SLC6A17: variants seen among roughly 807,000 people sequenced by gnomAD.
SLC6A17 encodes the protein sodium-dependent neutral amino acid transporter SLC6A17.
A neutral mutation model predicts 64.5 loss-of-function variants in SLC6A17; 21 were observed. The observed-to-expected ratio is 0.33, with a 90% CI of 0.23 to 0.47. The LOEUF (loss-of-function observed/expected upper bound fraction) is 0.47, where lower values mean the gene tolerates loss of function less well. Among genes scored for constraint, SLC6A17 ranks in the 20% least tolerant of loss-of-function variants. The pLI is 1.00. For missense variants in SLC6A17, 682 were observed against 963.2 expected, an observed-to-expected ratio of 0.71 and a Z score of 3.86; for synonymous variants, 372 against 399.5, an observed-to-expected ratio of 0.93 and a Z score of 0.82.
chr1:110,185,973 C>A (rs1436010414), intron 6 of SLC6A17, among the ~76,000 whole-genome samples: 1 of 152,178 alleles, frequency 6.6e-6, no homozygotes, highest in Non-Finnish European at 1.5e-5. Flanking sequence ...TCAAGTTCAC[C>A]CTCAGATGCT....
intron 1 of SLC6A17, among the ~76,000 whole-genome samples, chr1:110,165,288 C>A (rs890516041): frequency 2.0e-5 from 3 of 152,142 alleles, no homozygotes; most frequent in African/African-American, 7.2e-5. Flanking sequence ...GCTGAAAGTT[C>A]CACAGATGCA....
intron 6 of SLC6A17, among the ~76,000 whole-genome samples, chr1:110,188,830 C>T (rs1488415359): frequency 6.6e-6 from 1 of 152,228 alleles, no homozygotes; most frequent in Non-Finnish European, 1.5e-5. Flanking sequence ...CACATTGCCT[C>T]CATTTCCTCC....
At chr1:110,197,716 G>A in intron 11 of SLC6A17, 117 bp downstream of exon 11, 2 of 1,210,864 alleles carry the variant, frequency 1.7e-6, no homozygotes, top group East Asian at 5.1e-5. Context: ...CTTGCCAGGT[G>A]CCTCACACCT....
chr1:110,174,109 G>C lies in SLC6A17; in HGVS notation c.571+10G>C. On this transcript the variant is annotated intron_variant, in intron 4 of 11. Transcript: ENST00000331565. ...AATGGGAGCGTGGCAGGCAAGTATGGGGCCCAGCTGGGGATGCCAGCCAGC... is the reference window on the plus strand; with the variant it reads ...AATGGGAGCGTGGCAGGCAAGTATGCGGCCCAGCTGGGGATGCCAGCCAGC... 6.2e-7 allele frequency: 1 copy of C among 1,613,586 alleles called. No individual in the cohort carries two copies.
In SLC6A17 at chr1:110,198,305, G is replaced by C; in HGVS notation, c.2045G>C (p.Ser682Thr). The C allele has an allele frequency of 6.2e-7, 1 of 1,614,166 alleles. No individual in the cohort carries two copies. The highest frequency in any genetic ancestry group is 8.5e-7 in the Non-Finnish European group (1 of 1,180,014). The change falls in exon 12 of 12, where the codon AGT becomes ACT. Residue 682 changes from serine to threonine, a missense_variant. Coordinates refer to ENST00000331565, the MANE Select transcript of SLC6A17 (RefSeq NM_001010898.4). ...CGCTTCATCCTCAGCAAGGTGCCCAGTGAGGCACCTTCCCCCATGCCCACT... is the reference window on the plus strand; with the variant it reads ...CGCTTCATCCTCAGCAAGGTGCCCACTGAGGCACCTTCCCCCATGCCCACT... ...ETRFILSKVPSEAPSPMPTHR... is the reference protein window; with the variant it reads ...ETRFILSKVPTEAPSPMPTHR...
chr1:110,178,103 G>A (rs764224984), intron 6 of SLC6A17: 12 of 152,212 alleles, frequency 7.9e-5, no homozygotes, highest in Non-Finnish European at 1.5e-4. Context: ...GGAGAAAATA[G>A]CCATGAAAAG....
In SLC6A17 at chr1:110,192,891, G is replaced by T. The variant is rs1409977151; in HGVS notation, c.1299+193G>T. On this transcript the variant is annotated intron_variant, in intron 8 of 11. Transcript: ENST00000331565. The surrounding 1 kb of genome is among the most constrained non-coding windows in gnomAD (Gnocchi z 4.3). ...GGCCAAAGTCCCTGCCCAGAGGTAGGCTTGAGCCTAGACAAGAAGTAGGGC... is the reference window on the plus strand; with the variant it reads ...GGCCAAAGTCCCTGCCCAGAGGTAGTCTTGAGCCTAGACAAGAAGTAGGGC... Among the ~76,000 whole-genome samples the T allele has an allele frequency of 6.6e-6, 1 of 152,230 alleles. No individual in the cohort carries two copies. The highest frequency in any genetic ancestry group is 1.5e-5 in the Non-Finnish European group (1 of 68,050).
At chr1:110,194,264 G>A (rs1656903746) in intron 8 of SLC6A17, among the ~76,000 whole-genome samples, 1 of 152,196 alleles carries the variant, frequency 6.6e-6, no homozygotes, top group African/African-American at 2.4e-5. Flanking sequence ...TCTTAGAGGA[G>A]CAGGGTCCTG....
Position 110,171,640 on chromosome 1 carries a change from G to A in SLC6A17, c.287-420G>A, listed in dbSNP as rs566076519. The stretch of plus-strand genomic sequence containing the variant: ...ACCCGGTGTCTGTGCATCTGGGGGC[G>A]AGTAAGCCCCCATGCCATCTGGGGC... On this transcript the variant is annotated intron_variant, in intron 2 of 11. Coordinates refer to ENST00000331565, the MANE Select transcript of SLC6A17 (RefSeq NM_001010898.4). Among the ~76,000 whole-genome samples, 25 of 152,100 alleles carry A rather than the reference G, an allele frequency of 1.6e-4. No individual in the cohort carries two copies. The South Asian group carries it at 1.9e-3, about 11-fold the overall frequency.
Position 110,201,363 on chromosome 1 carries a change from C to T in SLC6A17, c.*2919C>T, listed in dbSNP as rs1262790947. On this transcript the variant is annotated 3_prime_UTR_variant, in exon 12 of 12. Coordinates refer to ENST00000331565, the MANE Select transcript of SLC6A17 (RefSeq NM_001010898.4). Reference sequence around the variant, plus strand: ...AGAGGACCAGGTCCCCAAGTCCCTTCACAGGGTCCCCACCCCCACTGGCTT... The same window carrying T: ...AGAGGACCAGGTCCCCAAGTCCCTTTACAGGGTCCCCACCCCCACTGGCTT... 6.6e-6 allele frequency: 1 copy of T among 152,366 alleles called. No homozygotes were observed. Among genetic ancestry groups the T allele is most frequent in the Non-Finnish European group, 1.5e-5 (1 of 68,188 alleles). 9.4% of individuals were successfully genotyped at this position (152,366 alleles called of 1,614,324 possible).
intron 6 of SLC6A17, 59 bp downstream of exon 6, chr1:110,176,798 A>G: frequency 7.0e-7 from 1 of 1,433,712 alleles, no homozygotes; most frequent in Non-Finnish European, 9.7e-7. Flanking sequence ...GGGCCTGGTC[A>G]GCTTCCTGCA....
Position 110,192,048 on chromosome 1 carries a change from G to A in SLC6A17, c.941G>A (p.Gly314Asp), listed in dbSNP as rs748454589. 6.2e-7 allele frequency: 1 copy of A among 1,614,216 alleles called. No individual in the cohort carries two copies. Among genetic ancestry groups the A allele is most frequent in the Non-Finnish European group, 8.5e-7 (1 of 1,180,038 alleles). The change falls in exon 7 of 12, where the codon GGT becomes GAT. Residue 314 changes from glycine to aspartate, a missense_variant. By Grantham distance (94) the Gly-to-Asp change is moderately conservative. This residue lies in a region of SLC6A17 where 415 missense variants were observed against 603.8 expected (regional missense o/e 0.69). Coordinates refer to ENST00000331565, the MANE Select transcript of SLC6A17 (RefSeq NM_001010898.4). This position sits in a 1 kb window ranked among gnomAD's most constrained non-coding sequence, Gnocchi z 4.3. ...QVFFALGLGF[G>D]GVIAFSSYNK... is the part of the protein sequence containing the mutation. ...TTCTTTGCCTTGGGCCTGGGCTTTGGTGGTGTCATTGCCTTCTCCAGCTAC... is the reference window on the plus strand; with the variant it reads ...TTCTTTGCCTTGGGCCTGGGCTTTGATGGTGTCATTGCCTTCTCCAGCTAC...
intron 1 of SLC6A17, among the ~76,000 whole-genome samples, chr1:110,154,229 C>T (rs1262830914): frequency 6.6e-6 from 1 of 152,174 alleles, no homozygotes; most frequent in Non-Finnish European, 1.5e-5. Context: ...CTCCAGTTTA[C>T]AGATTGTAAA....
chr1:110,150,515 G>GTGCGCGCAGCGC lies in SLC6A17; in HGVS notation c.-454_-443dup, dbSNP rs1553202616. 1 of 152,236 alleles carries GTGCGCGCAGCGC rather than the reference G, an allele frequency of 6.6e-6. No individual in the cohort carries two copies. Among genetic ancestry groups the GTGCGCGCAGCGC allele is most frequent in the Non-Finnish European group, 1.5e-5 (1 of 68,090 alleles). 9.4% of individuals were successfully genotyped at this position (152,236 alleles called of 1,614,324 possible). ...TGGCCTTTCGGAAAGCGAGGGAACA[G>GTGCGCGCAGCGC]TGCGCGCAGCGCTCCGCCCAGCTCC... On this transcript the variant is annotated 5_prime_UTR_variant, in exon 1 of 12. Coordinates refer to ENST00000331565, the MANE Select transcript of SLC6A17 (RefSeq NM_001010898.4).
At chr1:110,196,904 T>C (rs2100952763) in intron 10 of SLC6A17, among the ~76,000 whole-genome samples, 1 of 152,332 alleles carries the variant, frequency 6.6e-6, no homozygotes, top group Admixed American at 6.5e-5. Flanking sequence ...ATTCATAATA[T>C]AATAGAAAGT....
Position 110,176,906 on chromosome 1 carries a change from C to T in SLC6A17, c.864+167C>T, listed in dbSNP as rs547533336. ...CAGGGAAGGGGGCATGGGCCCTGCC[C>T]TCCAGGTTCCAAGGAGAGGCGTGTC... On this transcript the variant is annotated intron_variant, in intron 6 of 11. Transcript: ENST00000331565. Among the ~76,000 whole-genome samples, 4 of 152,318 alleles carry T rather than the reference C, an allele frequency of 2.6e-5. No homozygotes were observed. The South Asian group carries it at 8.3e-4, about 32-fold the overall frequency.
rs955761528 is a variant in SLC6A17, at chr1:110,200,352, C to T, written c.*1908C>T. On this transcript the variant is annotated 3_prime_UTR_variant, in exon 12 of 12. Coordinates refer to ENST00000331565, the MANE Select transcript of SLC6A17 (RefSeq NM_001010898.4). ...TCCCCAAAGAGATGAGCTTTTGGGG[C>T]ACAACATCCCACCGCAGTCCCCCTC... 5.5e-6 allele frequency: 2 copies of T among 362,216 alleles called. No individual in the cohort carries two copies. The highest frequency in any genetic ancestry group is 4.9e-6 in the Non-Finnish European group (1 of 203,586). 22.4% of individuals were successfully genotyped at this position (362,216 alleles called of 1,614,324 possible). A position where few individuals can be genotyped will look rare whatever the true frequency, so the allele number is the denominator to read the frequency against.
At chr1:110,174,631 C>G in intron 4 of SLC6A17, 148 bp from the exon 5 acceptor site, 1 of 977,524 alleles carries the variant, frequency 1.0e-6, no homozygotes, top group South Asian at 1.7e-5. Context: ...CTGCCAGATC[C>G]CGGCTAACCC....
intron 6 of SLC6A17, among the ~76,000 whole-genome samples, chr1:110,190,575 A>G (rs1003506372): frequency 6.6e-6 from 1 of 152,174 alleles, no homozygotes; most frequent in Non-Finnish European, 1.5e-5. Flanking sequence ...AAAGACAGCT[A>G]AAGTCCAGAC....
Sources: allele counts gnomAD v4.1 joint callset (sites outside exome capture counted in the v4.1 genomes callset), GRCh38; gene constraint gnomAD v4.1.1; regional missense constraint gnomAD v4.1.1; non-coding constraint Gnocchi (gnomAD v3.1); transcripts MANE v1.5; gene names NCBI Gene and HGNC (gene_info 2026-07-23, HGNC 2026-07-21).